Variants in ERCC3 observed in about 807,000 individuals in gnomAD.
ERCC3 encodes the protein general transcription and DNA repair factor IIH helicase/translocase subunit XPB.
Under a neutral mutation model 94.2 loss-of-function variants are expected in ERCC3, and 66 were observed. That is an observed-to-expected ratio of 0.70 (90% CI 0.57 to 0.86). The LOEUF (loss-of-function observed/expected upper bound fraction) is 0.86, where lower values mean the gene tolerates loss of function less well. ERCC3 is among the 40% of genes least tolerant of loss of function. The pLI is 0.00. For missense variants in ERCC3, 829 were observed against 987.1 expected (o/e 0.84, Z 2.15); for synonymous variants, 349 against 369.1 (o/e 0.95, Z 0.63).
intron 10 of ERCC3, among the ~76,000 whole-genome samples, chr2:127,273,749 CAAAAAAAAAAAA>C (rs398039596): frequency 1.5e-4 from 6 of 40,118 alleles, no homozygotes; most frequent in African/African-American, 4.2e-4. Flanking sequence ...AACTCTGTCT[CAAAAAAAAAAAA>C]AAAAAAAAAA....
At chr2:127,261,664 T>G in intron 12 of ERCC3, 3 of 353,150 alleles carry the variant, frequency 8.5e-6, no homozygotes, top group Non-Finnish European at 1.1e-5. Flanking sequence ...GAGAGAAGAA[T>G]ATGAACAGAT....
chr2:127,293,508 CT>C lies in ERCC3; in HGVS notation c.234+4del, dbSNP rs1258971389. ...GGGCCCTGCCCAAGCTAAGGGCATG[CT>C]TACCACCCAGAGGGGCCTGGAGGTG... is the stretch of plus-strand genomic sequence containing the variant. On this transcript the variant is annotated splice_donor_region_variant and intron_variant, in intron 2 of 14. Transcript: ENST00000285398. 1 of 1,613,850 alleles carries C rather than the reference CT, an allele frequency of 6.2e-7. No individual in the cohort carries two copies. The highest frequency in any genetic ancestry group is 8.5e-7 in the Non-Finnish European group (1 of 1,179,860).
chr2:127,290,711 A>T, intron 3 of ERCC3: 1 of 282,634 alleles, frequency 3.5e-6, no homozygotes, highest in South Asian at 3.5e-5. Context: ...GATGGCAGAG[A>T]ATACAGCTTA....
At chr2:127,266,015 C>A (rs1297650715) in intron 12 of ERCC3, among the ~76,000 whole-genome samples, 1 of 150,680 alleles carries the variant, frequency 6.6e-6, no homozygotes, top group East Asian at 1.9e-4. Context: ...TTTTTGATTC[C>A]TGCCTTAATT....
intron 7 of ERCC3, 53 bp downstream of exon 7, chr2:127,288,607 G>T: frequency 6.8e-7 from 1 of 1,469,760 alleles, no homozygotes; most frequent in Non-Finnish European, 9.5e-7. Context: ...GGAGGCAGCT[G>T]GCAGATCCAG....
chr2:127,262,320 C>G (rs1041079871), intron 12 of ERCC3: 2 of 152,238 alleles, frequency 1.3e-5, no homozygotes, highest in African/African-American at 4.8e-5. Context: ...TGGTGAAACT[C>G]CATCTCTACT....
chr2:127,288,704 A>G lies in ERCC3; in HGVS notation c.983T>C (p.Phe328Ser). 2 of 1,614,132 alleles carry G rather than the reference A, an allele frequency of 1.2e-6. No individual in the cohort carries two copies. Among genetic ancestry groups the G allele is most frequent in the Non-Finnish European group, 1.7e-6 (2 of 1,180,032 alleles). ...PYQEKSLRKM[F>S]GNGRARSGVI... Reference sequence around the variant, plus strand: ...CCCCGAACGTGCACGCCCGTTTCCAAACATCTTTCGCAAGCTCTTCTCCTG... The same window carrying G: ...CCCCGAACGTGCACGCCCGTTTCCAGACATCTTTCGCAAGCTCTTCTCCTG... Residue 328 changes from phenylalanine to serine, a missense_variant, in exon 7 of 15, where the codon TTT (phenylalanine) becomes TCT (serine). Transcript: ENST00000285398.
chr2:127,259,617 G>A lies in ERCC3; in HGVS notation c.2065-169C>T. The A allele has an allele frequency of 1.2e-6, 1 of 806,712 alleles. No individual in the cohort carries two copies. The highest frequency in any genetic ancestry group is 3.0e-4 in the Middle Eastern group (1 of 3,316). The allele number at this position is 806,712 out of a possible 1,614,324, so 50.0% of individuals were successfully genotyped here. ...AGCATTCCAGAGACCAGCATCAGGA[G>A]CCGCCTTTAACAGGGAGCTTGACTA... On this transcript the variant is annotated intron_variant, in intron 13 of 14. Transcript: ENST00000285398. This position sits in a 1 kb window ranked among gnomAD's most constrained non-coding sequence, Gnocchi z 4.9.
chr2:127,293,934 G>GT, intron 1 of ERCC3, 120 bp downstream of exon 1: 1 of 1,533,452 alleles, frequency 6.5e-7, no homozygotes, highest in Non-Finnish European at 8.7e-7. Flanking sequence ...TCCCAACGGG[G>GT]TGCGCGCGGG....
At chr2:127,267,305 T>C (rs538358227) in intron 12 of ERCC3, among the ~76,000 whole-genome samples, 3 of 152,330 alleles carry the variant, frequency 2.0e-5, no homozygotes, top group South Asian at 2.1e-4. Context: ...ATATTTAGGA[T>C]AGTTAAGTCT....
At chr2:127,266,061 A>G (rs1223459468) in intron 12 of ERCC3, among the ~76,000 whole-genome samples, 1 of 150,802 alleles carries the variant, frequency 6.6e-6, no homozygotes, top group African/African-American at 2.4e-5. Context: ...CAAGTTGTTT[A>G]GTTTCTATGT....
chr2:127,279,453 T>G lies in ERCC3; in HGVS notation c.1528-78A>C. Reference sequence around the variant, plus strand: ...TTTAAAACTTTTGAAGACCTTTCTCTAGCAGAATTAGCTTTAAAACAAAAC... The same window carrying G: ...TTTAAAACTTTTGAAGACCTTTCTCGAGCAGAATTAGCTTTAAAACAAAAC... On this transcript the variant is annotated intron_variant, in intron 9 of 14. Transcript: ENST00000285398. The surrounding 1 kb of genome is among the most constrained non-coding windows in gnomAD (Gnocchi z 4.7). 5 of 1,106,428 alleles carry G rather than the reference T, an allele frequency of 4.5e-6. No homozygotes were observed. Among genetic ancestry groups the G allele is most frequent in the Non-Finnish European group, 6.9e-6 (5 of 721,842 alleles). The allele number at this position is 1,106,428 out of a possible 1,614,324, so 68.5% of individuals were successfully genotyped here.
At chr2:127,293,821 G>A (rs767415094) in intron 1 of ERCC3, 103 bp from the exon 2 acceptor site, 2 of 1,595,494 alleles carry the variant, frequency 1.3e-6, no homozygotes, top group Admixed American at 3.4e-5. Flanking sequence ...TCCTAGCTAA[G>A]AGCCACCTGC....
At position 127,279,379 on chromosome 2, in the gene ERCC3, T is replaced by C. The variant is rs777753615; in HGVS notation, c.1528-4A>G. On this transcript the variant is annotated splice_polypyrimidine_tract_variant and splice_region_variant and intron_variant, in intron 9 of 14. Transcript: ENST00000285398. This position sits in a 1 kb window ranked among gnomAD's most constrained non-coding sequence, Gnocchi z 4.7. ...CAGGAGACATAGGGCACCAGACCTG[T>C]AATACAGTAAGAACCAGGGGTCATT... is the stretch of plus-strand genomic sequence containing the variant. 1.9e-6 allele frequency: 3 copies of C among 1,606,786 alleles called. No individual in the cohort carries two copies. The African/African-American group carries it at 4.0e-5, about 21-fold the overall frequency.
chr2:127,270,601 T>G (rs1684516276), intron 12 of ERCC3, among the ~76,000 whole-genome samples: 1 of 152,222 alleles, frequency 6.6e-6, no homozygotes, highest in Admixed American at 6.5e-5. Flanking sequence ...TTTTCAAACA[T>G]TCTAGCAGTC....
Position 127,294,099 on chromosome 2 carries a change from A to T in ERCC3, c.-18T>A. 6.2e-7 allele frequency: 1 copy of T among 1,606,604 alleles called. No homozygotes were observed. The highest frequency in any genetic ancestry group is 8.5e-7 in the Non-Finnish European group (1 of 1,179,384). ...TTGCCCATGGCAGCTACAGCAGCAG[A>T]GAGAAGATGACCCCGCTCCCACAGG... On this transcript the variant is annotated 5_prime_UTR_variant, in exon 1 of 15. Transcript: ENST00000285398.
At chr2:127,281,751 GCAAACACACACACA>G (rs940201697) in intron 8 of ERCC3, among the ~76,000 whole-genome samples, 6 of 151,730 alleles carry the variant, frequency 4.0e-5, no homozygotes, top group Admixed American at 1.3e-4. Context: ...AACACCACAT[GCAAACACACACACA>G]CAAACACACA....
At chr2:127,285,253 A>G (rs1685027954) in intron 8 of ERCC3, among the ~76,000 whole-genome samples, 1 of 152,210 alleles carries the variant, frequency 6.6e-6, no homozygotes. Flanking sequence ...ATGAGTACAA[A>G]GGAAATCTAA....
chr2:127,283,613 T>C (rs1019430824), intron 8 of ERCC3, among the ~76,000 whole-genome samples: 10 of 152,176 alleles, frequency 6.6e-5, no homozygotes, highest in African/African-American at 2.4e-4. Flanking sequence ...ATGGGTCATG[T>C]GGTAATTTCA....
Sources: gnomAD v4.1 joint callset for allele counts (sites outside exome capture counted in the v4.1 genomes callset) on GRCh38, gnomAD v4.1.1 for gene constraint, Gnocchi (gnomAD v3.1) non-coding constraint, MANE v1.5 for transcripts, NCBI Gene and HGNC (gene_info 2026-07-23, HGNC 2026-07-21) for gene names.